The following KDM4C variants were observed in gnomAD, a reference collection of about 807,000 sequenced individuals.
KDM4C encodes lysine-specific demethylase 4C.
A neutral mutation model predicts 129.3 loss-of-function variants in KDM4C; 81 were observed. The observed-to-expected ratio is 0.63, with a 90% CI of 0.52 to 0.75. KDM4C has a LOEUF of 0.75. KDM4C is among the 30% of genes least tolerant of loss of function. The probability of loss-of-function intolerance (pLI) is 0.00; values close to 1 mark genes in which losing one functional copy is unlikely to be tolerated. For synonymous variants in KDM4C, 573 were observed against 456.1 expected, an observed-to-expected ratio of 1.26 and a Z score of -3.26; for missense variants, 1,457 against 1,304.0, an observed-to-expected ratio of 1.12 and a Z score of -1.81.
At chr9:6,883,030 C>A (rs541951686) in intron 6 of KDM4C, among the ~76,000 whole-genome samples, 8 of 152,178 alleles carry the variant, frequency 5.3e-5, no homozygotes, top group Middle Eastern at 3.4e-3. Flanking sequence ...TCATCAAATC[C>A]CCTGAGATCG....
chr9:6,852,726 C>T (rs971634965), intron 5 of KDM4C, among the ~76,000 whole-genome samples: 1 of 152,128 alleles, frequency 6.6e-6, no homozygotes, highest in Non-Finnish European at 1.5e-5. Context: ...TTCAAGTCTA[C>T]TCCTTCCTCT....
chr9:6,917,782 A>G (rs1279422683), intron 8 of KDM4C, among the ~76,000 whole-genome samples: 1 of 152,114 alleles, frequency 6.6e-6, no homozygotes, highest in African/African-American at 2.4e-5. Flanking sequence ...CCTACCTATC[A>G]GTCCCGGTGC....
chr9:7,027,797 A>C (rs2132323926), intron 15 of KDM4C, among the ~76,000 whole-genome samples: 1 of 152,316 alleles, frequency 6.6e-6, no homozygotes, highest in East Asian at 1.9e-4. Context: ...GCTGGCACTC[A>C]AACCAGAAGA....
At chr9:7,028,026 C>G (rs1055429202) in intron 15 of KDM4C, among the ~76,000 whole-genome samples, 1 of 152,146 alleles carries the variant, frequency 6.6e-6, no homozygotes, top group Non-Finnish European at 1.5e-5. Context: ...TAAAGAAATG[C>G]TAAGAGCCAA....
chr9:6,790,654 CAAAAAAAAAAAAAAAAA>C (rs1186296239), intron 1 of KDM4C, among the ~76,000 whole-genome samples: 1 of 65,216 alleles, frequency 1.5e-5, no homozygotes, highest in Non-Finnish European at 2.6e-5. Context: ...TTAAATTCAG[CAAAAAAAAAAAAAAAAA>C]AAAAAAAAAA....
At chr9:6,834,982 G>C (rs1835608984) in intron 4 of KDM4C, 1 of 983,804 alleles carries the variant, frequency 1.0e-6, no homozygotes, top group South Asian at 1.3e-5. Context: ...ACACCATCCT[G>C]CATCTGGACC....
In KDM4C at chr9:7,164,857, C is replaced by T. The variant is rs949833477; in HGVS notation, c.2782-381C>T. The stretch of plus-strand genomic sequence containing the variant: ...ATTATAAGATCACATGAGATGTATG[C>T]TGAAGCATTTTGTTAACTGCAAAAT... On this transcript the variant is annotated intron_variant, in intron 19 of 21. Transcript: ENST00000381309. Among the ~76,000 whole-genome samples the T allele has an allele frequency of 2.0e-5, 3 of 152,146 alleles. No individual in the cohort carries two copies. In the South Asian group the frequency reaches 6.2e-4, roughly 32 times the overall value.
chr9:7,047,471 A>G (rs187179500), intron 16 of KDM4C, among the ~76,000 whole-genome samples: 109 of 152,208 alleles, frequency 7.2e-4, no homozygotes, highest in Non-Finnish European at 1.4e-3. Context: ...TCATAAGTGA[A>G]CATAAAAGGA....
At chr9:6,749,908 C>T (rs1048345231) in intron 1 of KDM4C, among the ~76,000 whole-genome samples, 8 of 147,148 alleles carry the variant, frequency 5.4e-5, no homozygotes, top group African/African-American at 2.0e-4. Flanking sequence ...ATCACTTGAA[C>T]CAGGGGGGCG....
In KDM4C at chr9:6,885,804, A is replaced by C. The variant is rs549185107; in HGVS notation, c.680-2156A>C. Among the ~76,000 whole-genome samples, 8 of 152,290 alleles carry C rather than the reference A, an allele frequency of 5.3e-5. No homozygotes were observed. In the South Asian group the frequency reaches 1.7e-3, roughly 32 times the overall value. On this transcript the variant is annotated intron_variant, in intron 6 of 21. Transcript: ENST00000381309. ...TGAAGTGTTTTTCAGGACTATGTAA[A>C]ATATAATTCTGATAGCATATTGTAA...
chr9:6,869,583 C>T (rs547157005), intron 5 of KDM4C, among the ~76,000 whole-genome samples: 1 of 152,358 alleles, frequency 6.6e-6, no homozygotes, highest in South Asian at 2.1e-4. Flanking sequence ...CCAGCAGAGT[C>T]CTGGCAGATC....
upstream of KDM4C, among the ~76,000 whole-genome samples, chr9:6,756,847 T>C (rs185293214): frequency 4.4e-3 from 676 of 152,340 alleles, 11 homozygotes; most frequent in African/African-American, 0.015. Flanking sequence ...TTCACCCCAG[T>C]GAGAAACGAG....
chr9:7,168,261 T>C (rs1844608905), intron 20 of KDM4C, among the ~76,000 whole-genome samples: 1 of 152,108 alleles, frequency 6.6e-6, no homozygotes, highest in African/African-American at 2.4e-5. Flanking sequence ...TTTATTAACA[T>C]GGCACAGCTG....
Position 7,174,967 on chromosome 9 carries a change from A to G in KDM4C, c.*238A>G, listed in dbSNP as rs908526129. ...TTTCACTTGTGAGCAGTTGTCTTCT[A>G]TGATCCCAAAGAAGTTTTCTAAGTG... On this transcript the variant is annotated 3_prime_UTR_variant, in exon 22 of 22. Coordinates refer to ENST00000381309, the MANE Select transcript of KDM4C (RefSeq NM_015061.6). 13 of 395,752 alleles carry G rather than the reference A, an allele frequency of 3.3e-5. No homozygotes were observed. Among genetic ancestry groups the G allele is most frequent in the Middle Eastern group, 6.8e-4 (1 of 1,474 alleles). 24.5% of individuals were successfully genotyped at this position (395,752 alleles called of 1,614,324 possible).
chr9:6,728,804 C>G lies in KDM4C; in HGVS notation c.49+7807C>G, dbSNP rs980597493. Among the ~76,000 whole-genome samples the G allele has an allele frequency of 2.0e-5, 3 of 151,808 alleles. No individual in the cohort carries two copies. In the East Asian group the frequency reaches 5.8e-4, roughly 29 times the overall value. On this transcript the variant is annotated intron_variant, in intron 1 of 17. Transcript: ENST00000536108. ...GAGGTTGCAGTGAGCCAAGATTGTA[C>G]CACCACACTCCAGCCTAGGTGACAG...
At chr9:7,036,833 T>C (rs1311264048) in intron 15 of KDM4C, among the ~76,000 whole-genome samples, 2 of 152,208 alleles carry the variant, frequency 1.3e-5, no homozygotes, top group African/African-American at 4.8e-5. Flanking sequence ...GCTCAGGGTC[T>C]AGAGCACATC....
chr9:6,876,928 A>G (rs1263716638), intron 5 of KDM4C, among the ~76,000 whole-genome samples: 1 of 152,230 alleles, frequency 6.6e-6, no homozygotes, highest in Non-Finnish European at 1.5e-5. Context: ...ATCATCCGAC[A>G]TCAGGGAGGT....
At chr9:7,026,683 C>T (rs753624868) in intron 15 of KDM4C, among the ~76,000 whole-genome samples, 20 of 152,102 alleles carry the variant, frequency 1.3e-4, no homozygotes, top group Non-Finnish European at 4.4e-5. Context: ...TTTCTACCCT[C>T]ATCTGTTTCT....
At chr9:7,031,142 A>G (rs537849726) in intron 15 of KDM4C, among the ~76,000 whole-genome samples, 67 of 115,564 alleles carry the variant, frequency 5.8e-4, no homozygotes, top group African/African-American at 2.4e-3. Context: ...TTATTTATTT[A>G]TTTATTTATT....
Sources: gnomAD v4.1 joint callset for allele counts (sites outside exome capture counted in the v4.1 genomes callset) on GRCh38, gnomAD v4.1.1 for gene constraint, MANE v1.5 for transcripts, NCBI Gene and HGNC (gene_info 2026-07-23, HGNC 2026-07-21) for gene names.